KANK2: variants seen among roughly 807,000 people sequenced by gnomAD.
KANK2 encodes KN motif and ankyrin repeat domain-containing protein 2.
KANK2 carries 41 observed loss-of-function variants against 74.6 expected under a neutral mutation model. The observed-to-expected ratio is 0.55, with a 90% CI of 0.43 to 0.71. The LOEUF (loss-of-function observed/expected upper bound fraction) is 0.71, where lower values mean the gene tolerates loss of function less well. KANK2 is among the 30% of genes least tolerant of loss of function. The pLI is 0.00. For missense variants in KANK2, 1,148 were observed against 1,196.4 expected, an observed-to-expected ratio of 0.96 and a Z score of 0.60; for synonymous variants, 537 against 519.0, an observed-to-expected ratio of 1.03 and a Z score of -0.47.
chr19:11,177,316 G>A (rs1040014677), intron 6 of KANK2, among the ~76,000 whole-genome samples: 2 of 151,848 alleles, frequency 1.3e-5, no homozygotes, highest in Admixed American at 6.6e-5. Context: ...GGCTGATCTC[G>A]AACTGGGTTT....
Position 11,193,012 on chromosome 19 carries a change from G to C in KANK2, c.1068C>G (p.Ser356Arg). 1 of 1,613,480 alleles carries C rather than the reference G, an allele frequency of 6.2e-7. No homozygotes were observed. The highest frequency in any genetic ancestry group is 1.7e-5 in the Admixed American group (1 of 60,002). Residue 356 changes from serine to arginine, a missense_variant, in exon 4 of 13, where the codon AGC (serine) becomes AGG (arginine). Transcript: ENST00000586659. The surrounding 1 kb of genome is among the most constrained non-coding windows in gnomAD (Gnocchi z 9.6). ...AAGAPAQRAQ[S>R]LEPYGTGLRA... is the part of the protein sequence containing the mutation. ...TCAGCCCTGTGCCGTAAGGCTCCAG[G>C]CTCTGGGCCCGCTGTGCGGGGGCGC...
At chr19:11,177,272 G>A (rs2078372306) in intron 6 of KANK2, among the ~76,000 whole-genome samples, 1 of 151,916 alleles carries the variant, frequency 6.6e-6, no homozygotes, top group Non-Finnish European at 1.5e-5. Context: ...TTTTTTAGTA[G>A]AGTCGGGGTT....
chr19:11,180,491 CAA>C (rs1455700261), intron 4 of KANK2, among the ~76,000 whole-genome samples: 3 of 151,928 alleles, frequency 2.0e-5, no homozygotes, highest in Admixed American at 2.0e-4. Flanking sequence ...TGGACATAGG[CAA>C]AGAGTAACAT....
Position 11,165,447 on chromosome 19 carries a change from C to T in KANK2, c.*1111G>A, listed in dbSNP as rs1372790003. ...ATAGTCTGGGGCCTGGCGGCGGGGA[C>T]GCAGAAGCCACCCTGAGAGCCAGAT... On this transcript the variant is annotated 3_prime_UTR_variant, in exon 13 of 13. Transcript: ENST00000586659. 1 of 152,106 alleles carries T rather than the reference C, an allele frequency of 6.6e-6. No homozygotes were observed. Among genetic ancestry groups the T allele is most frequent in the Admixed American group, 6.6e-5 (1 of 15,254 alleles). The allele number at this position is 152,106 out of a possible 1,614,324, so 9.4% of individuals were successfully genotyped here. A position where few individuals can be genotyped will look rare whatever the true frequency, so the allele number is the denominator to read the frequency against.
chr19:11,176,843 G>C (rs746384560), intron 6 of KANK2, 26 bp from the exon 7 acceptor site: 1 of 1,494,240 alleles, frequency 6.7e-7, no homozygotes, highest in Non-Finnish European at 8.9e-7. Context: ...CGGGGAGGGG[G>C]AGATGCTGCA....
chr19:11,171,567 T>A (rs1362513074), intron 10 of KANK2, among the ~76,000 whole-genome samples: 1 of 147,474 alleles, frequency 6.8e-6, no homozygotes, highest in African/African-American at 2.5e-5. Flanking sequence ...GGTGGGGGGG[T>A]GTCTCTAGGT....
rs773723010 is a variant in KANK2 at position 11,176,796 on chromosome 19, G to A, written c.1542C>T (p.Asp514=). The A allele has an allele frequency of 2.6e-6, 4 of 1,542,754 alleles. No individual in the cohort carries two copies. The highest frequency in any genetic ancestry group is 3.5e-6 in the Non-Finnish European group (4 of 1,142,086). ...VNGGYESSSE[D]SSTAENISDN... is the part of the protein sequence containing the mutation. Reference sequence around the variant, plus strand: ...CTGAGATGTTCTCTGCTGTGCTGGAGTCCTCGGATGACGACTCATACCTGG... The same window carrying A: ...CTGAGATGTTCTCTGCTGTGCTGGAATCCTCGGATGACGACTCATACCTGG... The change falls in exon 7 of 13, where the codon GAC becomes GAT. Residue 514 remains aspartate, a synonymous_variant. Transcript: ENST00000586659.
intron 12 of KANK2, among the ~76,000 whole-genome samples, chr19:11,168,001 CCTTGT>C (rs1482817241): frequency 7.7e-5 from 11 of 143,292 alleles, no homozygotes; most frequent in African/African-American, 2.9e-4. Context: ...CATCCCACGT[CCTTGT>C]TTTTTTTTTT....
Position 11,193,322 on chromosome 19 carries a change from G to T in KANK2, c.758C>A (p.Pro253His). ...RGRSELCLDL[P>H]DPPEDPVALE... ...TGCCACTGGGTCCTCTGGGGGATCG[G>T]GGAGGTCCAGGCAGAGCTCGCTGCG... Residue 253 changes from proline (P) to histidine (H), a missense_variant, in exon 4 of 13, where the codon CCC becomes CAC. Coordinates refer to ENST00000586659, the MANE Select transcript of KANK2 (RefSeq NM_001136191.3). The surrounding 1 kb of genome is among the most constrained non-coding windows in gnomAD (Gnocchi z 9.6). The T allele has an allele frequency of 1.9e-6, 3 of 1,612,688 alleles. No homozygotes were observed. The highest frequency in any genetic ancestry group is 1.7e-4 in the Middle Eastern group (1 of 6,060).
intron 4 of KANK2, among the ~76,000 whole-genome samples, chr19:11,191,928 G>A (rs1049081683): frequency 6.6e-6 from 1 of 152,116 alleles, no homozygotes; most frequent in Admixed American, 6.6e-5. Flanking sequence ...GCACAGTGGT[G>A]CATGCCTGTA....
At chr19:11,172,949 A>G in intron 10 of KANK2, 32 bp downstream of exon 10, 2 of 1,605,318 alleles carry the variant, frequency 1.2e-6, no homozygotes, top group Non-Finnish European at 1.7e-6. Context: ...AGGAAGAGCC[A>G]CCTGGATCTG....
In KANK2 at chr19:11,178,334, TC is replaced by T; in HGVS notation, c.1520+10del. 1 of 1,381,156 alleles carries T rather than the reference TC, an allele frequency of 7.2e-7. No homozygotes were observed. Among genetic ancestry groups the T allele is most frequent in the Non-Finnish European group, 9.7e-7 (1 of 1,027,708 alleles). The allele number at this position is 1,381,156 out of a possible 1,614,324, so 85.6% of individuals were successfully genotyped here. ...AAGTATGGGGTGGGGGGTGGGGTCT[TC>T]TCCTCTCACCCGCCGTTGACCCCCA... On this transcript the variant is annotated intron_variant, in intron 6 of 12. Transcript: ENST00000586659.
Position 11,170,196 on chromosome 19 carries a change from A to C in KANK2, c.2264T>G (p.Val755Gly), listed in dbSNP as rs143420181. 1.9e-6 allele frequency: 3 copies of C among 1,611,442 alleles called. No individual in the cohort carries two copies. The highest frequency in any genetic ancestry group is 2.5e-6 in the Non-Finnish European group (3 of 1,180,018). ...LAVSHGRVDV[V>G]KALLACEADV... Reference sequence around the variant, plus strand: ...TGCCTCACAGGCCAGCAGGGCTTTGACAACGTCCACCCGCCCGTGGCTGAC... The same window carrying C: ...TGCCTCACAGGCCAGCAGGGCTTTGCCAACGTCCACCCGCCCGTGGCTGAC... Residue 755 changes from valine to glycine, a missense_variant, in exon 11 of 13, where the codon GTC (valine) becomes GGC (glycine). By Grantham distance (109) the Val-to-Gly change is moderately radical. Transcript: ENST00000586659. This position sits in a 1 kb window ranked among gnomAD's most constrained non-coding sequence, Gnocchi z 5.2.
chr19:11,194,633 G>A (rs927970480), intron 2 of KANK2, 43 bp from the exon 3 acceptor site: 2 of 770,926 alleles, frequency 2.6e-6, no homozygotes, highest in Non-Finnish European at 4.5e-6. Context: ...GGAGTCTGTA[G>A]GGGGAGGGGA....
intron 4 of KANK2, among the ~76,000 whole-genome samples, chr19:11,181,093 A>G (rs1310078746): frequency 7.6e-6 from 1 of 132,240 alleles, no homozygotes; most frequent in Non-Finnish European, 1.7e-5. Flanking sequence ...GTCTCCAAAA[A>G]AAAAAAAAAA....
chr19:11,193,682 C>G lies in KANK2; in HGVS notation c.398G>C (p.Arg133Pro). ...RVERTLLDAR[R>P]RLEDQAATPT... is the part of the protein sequence containing the mutation. ...TGTGGCCGCCTGGTCCTCGAGACGG[C>G]GACGGGCATCCAGCAGCGTGCGCTC... Residue 133 changes from arginine (R) to proline (P), a missense_variant, in exon 4 of 13, where the codon CGC becomes CCC. Coordinates refer to ENST00000586659, the MANE Select transcript of KANK2 (RefSeq NM_001136191.3). This position sits in a 1 kb window ranked among gnomAD's most constrained non-coding sequence, Gnocchi z 9.6. The G allele has an allele frequency of 6.2e-7, 1 of 1,607,192 alleles. No homozygotes were observed. The highest frequency in any genetic ancestry group is 8.5e-7 in the Non-Finnish European group (1 of 1,176,378).
At chr19:11,177,611 C>T (rs1432776399) in intron 6 of KANK2, among the ~76,000 whole-genome samples, 1 of 152,166 alleles carries the variant, frequency 6.6e-6, no homozygotes, top group African/African-American at 2.4e-5. Context: ...CTCAGCCTCC[C>T]AAAGTGCTGG....
Position 11,164,446 on chromosome 19 carries a change from T to A in KANK2, c.*2112A>T, listed in dbSNP as rs894084819. 5.3e-5 allele frequency: 8 copies of A among 152,110 alleles called. No homozygotes were observed. Among genetic ancestry groups the A allele is most frequent in the African/African-American group, 1.9e-4 (8 of 41,418 alleles). 9.4% of individuals were successfully genotyped at this position (152,110 alleles called of 1,614,324 possible). A position where few individuals can be genotyped will look rare whatever the true frequency, so the allele number is the denominator to read the frequency against. On this transcript the variant is annotated 3_prime_UTR_variant, in exon 13 of 13. Coordinates refer to ENST00000586659, the MANE Select transcript of KANK2 (RefSeq NM_001136191.3). ...TGGGCGCAGAGGCACGAGTCCAGTA[T>A]CCCACGGAGAGAAGGAAGTGTAGAG...
chr19:11,171,167 T>C (rs371663879), intron 10 of KANK2, among the ~76,000 whole-genome samples: 1 of 152,082 alleles, frequency 6.6e-6, no homozygotes, highest in East Asian at 1.9e-4. Context: ...GAGGCCGAGG[T>C]GGGAGGACTG....
Sources: gnomAD v4.1 joint callset for allele counts (sites outside exome capture counted in the v4.1 genomes callset) on GRCh38, gnomAD v4.1.1 for gene constraint, Gnocchi (gnomAD v3.1) non-coding constraint, MANE v1.5 for transcripts, NCBI Gene and HGNC (gene_info 2026-07-23, HGNC 2026-07-21) for gene names.